CNTN4: variants seen among roughly 807,000 people sequenced by gnomAD.
CNTN4 encodes contactin 4, also known as contactin-4.
CNTN4 carries 77 observed loss-of-function variants against 122.5 expected under a neutral mutation model. The ratio of observed to expected loss-of-function variants is 0.63; its 90% CI spans 0.52 to 0.76. The LOEUF is 0.76. CNTN4 is among the 30% of genes least tolerant of loss of function. CNTN4 has a pLI of 0.00. For synonymous variants in CNTN4, 512 were observed against 447.0 expected (o/e 1.15, Z -1.83); for missense variants, 1,256 against 1,259.1 (o/e 1.00, Z 0.04).
intron 2 of CNTN4, among the ~76,000 whole-genome samples, chr3:2,164,241 A>AG (rs2036095475): frequency 1.3e-5 from 2 of 152,056 alleles, no homozygotes; most frequent in Non-Finnish European, 2.9e-5. Context: ...GAAAAAAAAA[A>AG]CAACAACAAA....
intron 3 of CNTN4, among the ~76,000 whole-genome samples, chr3:2,356,657 G>A (rs2044885778): frequency 6.6e-6 from 1 of 152,114 alleles, no homozygotes. Context: ...CTGTGACTAA[G>A]AATGCCCAAC....
intron 4 of CNTN4, among the ~76,000 whole-genome samples, chr3:2,585,558 A>G (rs2080155045): frequency 6.6e-6 from 1 of 152,066 alleles, no homozygotes; most frequent in South Asian, 2.1e-4. Context: ...ATGAAGCTGG[A>G]AACCATCATT....
intron 4 of CNTN4, among the ~76,000 whole-genome samples, chr3:2,613,168 A>G (rs574852929): frequency 1.8e-4 from 25 of 142,394 alleles, no homozygotes; most frequent in Non-Finnish European, 3.6e-4. Flanking sequence ...CCGTAGTTCT[A>G]AGCACACGTG....
At chr3:2,669,976 G>A (rs1430741574) in intron 4 of CNTN4, among the ~76,000 whole-genome samples, 1 of 152,172 alleles carries the variant, frequency 6.6e-6, no homozygotes, top group Non-Finnish European at 1.5e-5. Flanking sequence ...TATAATTTCT[G>A]TTCTTTTACA....
chr3:2,337,922 T>A (rs1575408225), intron 2 of CNTN4, among the ~76,000 whole-genome samples: 2 of 152,208 alleles, frequency 1.3e-5, no homozygotes, highest in South Asian at 4.1e-4. Context: ...CATCAGTTGC[T>A]GTCCTTAATG....
chr3:2,384,420 G>A (rs3856841), intron 3 of CNTN4, among the ~76,000 whole-genome samples: 106,080 of 151,906 alleles, frequency 0.7, 37,237 homozygotes, highest in East Asian at 0.82. Context: ...ACATAAATCC[G>A]CCTGTTAGAT....
intron 14 of CNTN4, among the ~76,000 whole-genome samples, chr3:3,021,017 C>T (rs1304463821): frequency 1.3e-5 from 2 of 152,172 alleles, no homozygotes; most frequent in African/African-American, 4.8e-5. Flanking sequence ...AGATTTCATT[C>T]CCTTTCTTTG....
chr3:3,037,819 G>A (rs139629122), intron 18 of CNTN4: 78 of 207,578 alleles, frequency 3.8e-4, no homozygotes, highest in Middle Eastern at 4.4e-3. Flanking sequence ...TCCCAGAAAC[G>A]AAGATTCAGA....
At chr3:2,803,750 C>G (rs1404693011) in intron 6 of CNTN4, among the ~76,000 whole-genome samples, 2 of 151,662 alleles carry the variant, frequency 1.3e-5, no homozygotes, top group Non-Finnish European at 2.9e-5. Context: ...TCAGTAGAGA[C>G]GAGTTTCACC....
intron 6 of CNTN4, among the ~76,000 whole-genome samples, chr3:2,758,189 G>A (rs1314284819): frequency 3.3e-5 from 5 of 152,060 alleles, no homozygotes; most frequent in Admixed American, 6.6e-5. Context: ...ATTTCTAAGC[G>A]CAATGACTAC....
intron 3 of CNTN4, among the ~76,000 whole-genome samples, chr3:2,551,875 A>G (rs1363897668): frequency 6.6e-6 from 1 of 152,132 alleles, no homozygotes; most frequent in Non-Finnish European, 1.5e-5. Flanking sequence ...TCTTTCATTT[A>G]CAGCCTAAAT....
In CNTN4 at chr3:2,327,153, T is replaced by TGTGTG. The variant is rs1559455687; in HGVS notation, c.-144-12025_-144-12024insGTGTG. Among the ~76,000 whole-genome samples, 24 of 114,116 alleles carry TGTGTG rather than the reference T, an allele frequency of 2.1e-4. No individual in the cohort carries two copies. The South Asian group carries it at 6.7e-3, about 32-fold the overall frequency. The allele number at this position is 114,116 out of a possible 152,430, so 74.9% of individuals were successfully genotyped here. A position where few individuals can be genotyped will look rare whatever the true frequency, so the allele number is the denominator to read the frequency against. On this transcript the variant is annotated intron_variant, in intron 2 of 24. Coordinates refer to ENST00000418658, the MANE Select transcript of CNTN4 (RefSeq NM_175607.3). ...AATAGATGTGTGTGTGTGTGTGTGT[T>TGTGTG]TGTGTGTGTGTGTGTCTATAAAGTG...
At position 2,909,424 on chromosome 3, in the gene CNTN4, CT is replaced by C. The variant is rs60307955; in HGVS notation, c.1207+6431del. ...TTATAACAATATAAGAAGGTTTGGGCTTTTTTTTTTTTCTCTTAGTATCCAT... is the reference window on the plus strand; with the variant it reads ...TTATAACAATATAAGAAGGTTTGGGCTTTTTTTTTTTCTCTTAGTATCCAT... On this transcript the variant is annotated intron_variant, in intron 12 of 24. Coordinates refer to ENST00000418658, the MANE Select transcript of CNTN4 (RefSeq NM_175607.3). Among the ~76,000 whole-genome samples, 701 of 142,862 alleles carry C rather than the reference CT, an allele frequency of 4.9e-3. 4 individuals carry two copies. The highest frequency in any genetic ancestry group is 0.01 in the African/African-American group (406 of 39,288). 93.7% of individuals were successfully genotyped at this position (142,862 alleles called of 152,430 possible).
At chr3:2,283,260 TA>T (rs2041786713) in intron 2 of CNTN4, among the ~76,000 whole-genome samples, 1 of 152,098 alleles carries the variant, frequency 6.6e-6, no homozygotes. Context: ...AAGAGCATTG[TA>T]AGTCTCAATT....
intron 3 of CNTN4, among the ~76,000 whole-genome samples, chr3:2,438,727 T>A (rs1325440702): frequency 6.6e-6 from 1 of 152,120 alleles, no homozygotes; most frequent in African/African-American, 2.4e-5. Flanking sequence ...GTGGTGGATC[T>A]CCCACTGGCT....
chr3:2,340,711 A>AGAGAGAGAGAGAGAGAGAGAGGGG lies in CNTN4; in HGVS notation c.-89+1499_-89+1500insGGGGAGAGAGAGAGAGAGAGAGAG, dbSNP rs1553627572. Among the ~76,000 whole-genome samples, 82 of 49,432 alleles carry AGAGAGAGAGAGAGAGAGAGAGGGG rather than the reference A, an allele frequency of 1.7e-3. 1 individual carries two copies. The highest frequency in any genetic ancestry group is 3.3e-3 in the East Asian group (11 of 3,374). The allele number at this position is 49,432 out of a possible 152,430, so 32.4% of individuals were successfully genotyped here. On this transcript the variant is annotated intron_variant, in intron 3 of 24. Coordinates refer to ENST00000418658, the MANE Select transcript of CNTN4 (RefSeq NM_175607.3). ...TATATATATATATATATATATATAT[A>AGAGAGAGAGAGAGAGAGAGAGGGG]GAGAGAGAGAGAGAGAGAGAGAGAG...
At chr3:2,810,104 A>G (rs1411557565) in intron 6 of CNTN4, among the ~76,000 whole-genome samples, 1 of 152,220 alleles carries the variant, frequency 6.6e-6, no homozygotes. Flanking sequence ...TTAATTTGAT[A>G]TAGAATAGAA....
chr3:2,981,332 T>C lies in CNTN4; in HGVS notation c.1359-7013T>C, dbSNP rs1022820046. Among the ~76,000 whole-genome samples the C allele has an allele frequency of 4.6e-5, 7 of 151,724 alleles. 1 individual carries two copies. Among genetic ancestry groups the C allele is most frequent in the Admixed American group, 3.3e-4 (5 of 15,250 alleles). Reference sequence around the variant, plus strand: ...GGTGGCGGGCGCCTGTAGTCCCAGCTACTCGGGAGGCTGAGGCGGGAGAAT... The same window carrying C: ...GGTGGCGGGCGCCTGTAGTCCCAGCCACTCGGGAGGCTGAGGCGGGAGAAT... On this transcript the variant is annotated intron_variant, in intron 13 of 24. Transcript: ENST00000418658.
chr3:2,252,882 G>T (rs1301641971), intron 2 of CNTN4, among the ~76,000 whole-genome samples: 1 of 151,850 alleles, frequency 6.6e-6, no homozygotes, highest in Non-Finnish European at 1.5e-5. Context: ...TTGCTTTTTG[G>T]TACGTTTTCT....
Sources: gnomAD v4.1 joint callset for allele counts (sites outside exome capture counted in the v4.1 genomes callset) on GRCh38, gnomAD v4.1.1 for gene constraint, MANE v1.5 for transcripts, NCBI Gene and HGNC (gene_info 2026-07-23, HGNC 2026-07-21) for gene names.